Variants in VPS13B observed in about 807,000 individuals in gnomAD.
VPS13B encodes the protein vacuolar protein sorting 13 homolog B.
In VPS13B, 285 loss-of-function variants were observed where a neutral mutation model predicts 426.4. The ratio of observed to expected loss-of-function variants is 0.67; its 90% CI spans 0.61 to 0.74. The LOEUF (loss-of-function observed/expected upper bound fraction) is 0.74, where lower values mean the gene tolerates loss of function less well. VPS13B is among the 30% of genes least tolerant of loss of function. VPS13B has a pLI of 0.00. For synonymous variants in VPS13B, 1,676 were observed against 1,676.4 expected (o/e 1.00, Z 0.01); for missense variants, 4,537 against 4,782.6 (o/e 0.95, Z 1.51).
At chr8:99,172,243 T>C (rs1277379351) in intron 16 of VPS13B, among the ~76,000 whole-genome samples, 1 of 152,162 alleles carries the variant, frequency 6.6e-6, no homozygotes, top group Non-Finnish European at 1.5e-5. Flanking sequence ...TGATTCTATT[T>C]GTAGAGAAAT....
At chr8:99,096,558 C>A (rs1846432409) in intron 4 of VPS13B, 126 bp downstream of exon 4, 1 of 1,312,282 alleles carries the variant, frequency 7.6e-7, no homozygotes, top group Non-Finnish European at 1.1e-6. Flanking sequence ...GAGTTTGAGA[C>A]CAGCCTGGCC....
chr8:99,455,772 G>A (rs541972404), intron 23 of VPS13B, among the ~76,000 whole-genome samples: 25 of 152,216 alleles, frequency 1.6e-4, no homozygotes, highest in African/African-American at 6.0e-4. Context: ...ACATTTTGGT[G>A]TTCTTCCATG....
intron 29 of VPS13B, among the ~76,000 whole-genome samples, chr8:99,519,532 G>C (rs566849156): frequency 6.6e-6 from 1 of 152,230 alleles, no homozygotes; most frequent in Non-Finnish European, 1.5e-5. Flanking sequence ...ATTCACAATA[G>C]CAAAGACTTG....
At chr8:99,171,988 G>A (rs1039311754) in intron 16 of VPS13B, among the ~76,000 whole-genome samples, 2 of 152,130 alleles carry the variant, frequency 1.3e-5, no homozygotes, top group Non-Finnish European at 2.9e-5. Context: ...TTGGACATTA[G>A]TGGATGAGAC....
chr8:99,122,018 A>ATT (rs34171446), intron 8 of VPS13B, among the ~76,000 whole-genome samples: 6 of 140,248 alleles, frequency 4.3e-5, no homozygotes, highest in African/African-American at 1.3e-4. Context: ...TGCCCAGCTA[A>ATT]TTTTTTTTTT....
At chr8:99,129,306 A>G (rs1809621761) in intron 8 of VPS13B, among the ~76,000 whole-genome samples, 1 of 151,648 alleles carries the variant, frequency 6.6e-6, no homozygotes, top group African/African-American at 2.4e-5. Context: ...TAAAAAGGCA[A>G]CTGTTGATAA....
intron 21 of VPS13B, among the ~76,000 whole-genome samples, chr8:99,423,403 T>A (rs1460918507): frequency 2.0e-5 from 3 of 151,372 alleles, no homozygotes; most frequent in East Asian, 3.9e-4. Context: ...ATTACAGGTG[T>A]GTGTCACAAC....
At chr8:99,841,958 G>T (rs538150474) in intron 54 of VPS13B, among the ~76,000 whole-genome samples, 1 of 152,198 alleles carries the variant, frequency 6.6e-6, no homozygotes, top group South Asian at 2.1e-4. Flanking sequence ...CCACCAGGTT[G>T]CTTAAAACAG....
chr8:99,197,265 A>AT (rs755415765), intron 17 of VPS13B, among the ~76,000 whole-genome samples: 28 of 152,190 alleles, frequency 1.8e-4, no homozygotes, highest in Admixed American at 3.9e-4. Context: ...CACCAGAGAT[A>AT]TTGGTCTGTA....
At chr8:99,410,747 T>C (rs1294534807) in intron 21 of VPS13B, among the ~76,000 whole-genome samples, 3 of 152,064 alleles carry the variant, frequency 2.0e-5, no homozygotes, top group Non-Finnish European at 2.9e-5. Context: ...CAGTGTGTGA[T>C]GTTCCCCTCC....
Position 99,250,664 on chromosome 8 carries a change from C to CTTTTTTTTTTTTTTTTTTTTT in VPS13B, c.2516-23516_2516-23496dup, listed in dbSNP as rs60698750. Among the ~76,000 whole-genome samples the CTTTTTTTTTTTTTTTTTTTTT allele has an allele frequency of 1.1e-4, 4 of 35,806 alleles. 1 individual carries two copies. The highest frequency in any genetic ancestry group is 1.9e-4 in the Non-Finnish European group (4 of 21,420). The allele number at this position is 35,806 out of a possible 152,430, so 23.5% of individuals were successfully genotyped here. Reference sequence around the variant, plus strand: ...CTGTCCACTAATCCGTGTGTTTATTCTTTTTTTTTTTTTTTTTTTTTTTTT... The same window carrying CTTTTTTTTTTTTTTTTTTTTT: ...CTGTCCACTAATCCGTGTGTTTATTCTTTTTTTTTTTTTTTTTTTTTTTTTTTTTTTTTTTTTTTTTTTTTT... On this transcript the variant is annotated intron_variant, in intron 17 of 61. Transcript: ENST00000357162.
At chr8:99,418,375 C>T (rs925813805) in intron 21 of VPS13B, among the ~76,000 whole-genome samples, 11 of 149,576 alleles carry the variant, frequency 7.4e-5, no homozygotes, top group African/African-American at 2.7e-4. Context: ...AAAACTATAC[C>T]ATATAGCAAT....
At chr8:99,180,235 A>G (rs62532644) in intron 16 of VPS13B, among the ~76,000 whole-genome samples, 16,533 of 152,224 alleles carry the variant, frequency 0.11, 1,007 homozygotes, top group Non-Finnish European at 0.14. Context: ...AAGCTGTTCC[A>G]TATTCCGTAA....
At chr8:99,162,350 T>TA (rs1328708151) in intron 15 of VPS13B, among the ~76,000 whole-genome samples, 1 of 152,234 alleles carries the variant, frequency 6.6e-6, no homozygotes, top group Non-Finnish European at 1.5e-5. Flanking sequence ...ATTAAGTACT[T>TA]AAACAAATCC....
rs1814164627 is a variant in VPS13B, at chr8:99,818,360, T to G, written c.8362-91T>G. Reference sequence around the variant, plus strand: ...TTTTCCCTAAACTTTAAACTCTTTTTAATCTTCCAAACTGATGTATCTGTG... The same window carrying G: ...TTTTCCCTAAACTTTAAACTCTTTTGAATCTTCCAAACTGATGTATCTGTG... On this transcript the variant is annotated intron_variant, in intron 45 of 61. Transcript: ENST00000357162. 41 of 1,311,198 alleles carry G rather than the reference T, an allele frequency of 3.1e-5. No homozygotes were observed. The South Asian group carries it at 4.5e-4, about 14-fold the overall frequency. 81.2% of individuals were successfully genotyped at this position (1,311,198 alleles called of 1,614,324 possible). A position where few individuals can be genotyped will look rare whatever the true frequency, so the allele number is the denominator to read the frequency against.
chr8:99,873,534 C>T (rs759450491), intron 61 of VPS13B, among the ~76,000 whole-genome samples: 1 of 152,198 alleles, frequency 6.6e-6, no homozygotes, highest in South Asian at 2.1e-4. Context: ...GCCTGCACAG[C>T]CAAGGCCCGG....
intron 7 of VPS13B, 84 bp from the exon 8 acceptor site, chr8:99,121,093 G>A: frequency 2.2e-6 from 3 of 1,365,024 alleles, no homozygotes; most frequent in Non-Finnish European, 3.0e-6. Flanking sequence ...GGATATGGGA[G>A]GAAAAATTTT....
At chr8:99,580,984 A>AACACACACACACAAAC in intron 33 of VPS13B, among the ~76,000 whole-genome samples, 1 of 126,684 alleles carries the variant, frequency 7.9e-6, no homozygotes, top group East Asian at 2.4e-4. Context: ...ATCTCTACAA[A>AACACACACACACAAAC]ACACACACAC....
chr8:99,180,572 G>A (rs1812895173), intron 16 of VPS13B, among the ~76,000 whole-genome samples: 1 of 152,188 alleles, frequency 6.6e-6, no homozygotes, highest in Non-Finnish European at 1.5e-5. Context: ...AAAATGGTCA[G>A]GGAAGTTCTC....
Sources: gnomAD v4.1 joint callset for allele counts (sites outside exome capture counted in the v4.1 genomes callset) on GRCh38, gnomAD v4.1.1 for gene constraint, MANE v1.5 for transcripts, NCBI Gene and HGNC (gene_info 2026-07-23, HGNC 2026-07-21) for gene names.